Variants in COL4A2 observed in about 807,000 individuals in gnomAD.
COL4A2 encodes the protein collagen type IV alpha 2 chain.
Under a neutral mutation model 200.2 loss-of-function variants are expected in COL4A2, and 99 were observed. That is an observed-to-expected ratio of 0.49 (90% confidence interval 0.42 to 0.58). The LOEUF (loss-of-function observed/expected upper bound fraction) is 0.58, where lower values mean the gene tolerates loss of function less well. Ranked by LOEUF, COL4A2 falls within the 20% of genes least tolerant of loss-of-function variation. The probability of loss-of-function intolerance (pLI) is 0.00; values close to 1 mark genes in which losing one functional copy is unlikely to be tolerated. For synonymous variants in COL4A2, 897 were observed against 900.6 expected, an observed-to-expected ratio of 1.00 and a Z score of 0.07; for missense variants, 1,950 against 2,314.1, an observed-to-expected ratio of 0.84 and a Z score of 3.23.
At chr13:110,393,661 T>G (rs1243524527) in intron 4 of COL4A2, among the ~76,000 whole-genome samples, 1 of 151,286 alleles carries the variant, frequency 6.6e-6, no homozygotes, top group Non-Finnish European at 1.5e-5. Context: ...GATGGATCAC[T>G]TGAGGTCAGG....
chr13:110,494,985 A>T (rs1326136843), intron 39 of COL4A2, among the ~76,000 whole-genome samples: 1 of 152,244 alleles, frequency 6.6e-6, no homozygotes, highest in Non-Finnish European at 1.5e-5. Context: ...GGAAGACTTT[A>T]GATAGTGTTT....
intron 40 of COL4A2, among the ~76,000 whole-genome samples, chr13:110,501,383 C>T (rs1025917979): frequency 3.9e-5 from 6 of 152,136 alleles, no homozygotes; most frequent in Admixed American, 1.3e-4. Flanking sequence ...GATCGGGCAG[C>T]GCCTTGGGGA....
intron 4 of COL4A2, among the ~76,000 whole-genome samples, chr13:110,383,146 A>G (rs1175104949): frequency 2.6e-5 from 4 of 152,226 alleles, no homozygotes; most frequent in African/African-American, 7.2e-5. Context: ...GCTCAAACTT[A>G]TGGGGATAGT....
At chr13:110,413,588 CAGTT>C (rs776528051) in intron 4 of COL4A2, among the ~76,000 whole-genome samples, 4 of 152,162 alleles carry the variant, frequency 2.6e-5, no homozygotes, top group East Asian at 1.9e-4. Context: ...GCTAGGCACT[CAGTT>C]AGACTGGAGA....
Position 110,470,894 on chromosome 13 carries a change from T to TGTTTCTCC in COL4A2, c.2203+1570_2203+1571insGTTTCTCC, listed in dbSNP as rs574679307. On this transcript the variant is annotated intron_variant, in intron 28 of 47. Coordinates refer to ENST00000360467, the MANE Select transcript of COL4A2 (RefSeq NM_001846.4). ...CAAACCCTGACCCTGTTTCCTTTCA[T>TGTTTCTCC]ATGATGCGTTTCTCCATGTTTTGCA... is the stretch of plus-strand genomic sequence containing the variant. Among the ~76,000 whole-genome samples, 20 of 152,304 alleles carry TGTTTCTCC rather than the reference T, an allele frequency of 1.3e-4. No homozygotes were observed. In the East Asian group the frequency reaches 3.5e-3, roughly 26 times the overall value.
At position 110,498,587 on chromosome 13, in the gene COL4A2, A is replaced by C. The variant is rs552214860; in HGVS notation, c.3761-3081A>C. Among the ~76,000 whole-genome samples, 12 of 152,354 alleles carry C rather than the reference A, an allele frequency of 7.9e-5. No homozygotes were observed. The South Asian group carries it at 2.5e-3, about 32-fold the overall frequency. On this transcript the variant is annotated intron_variant, in intron 40 of 47. Coordinates refer to ENST00000360467, the MANE Select transcript of COL4A2 (RefSeq NM_001846.4). ...TGTACTTGACCACAAAAAAGATTTA[A>C]GATTTCCATCCCCAAGGACAGAGAT...
At chr13:110,505,072 C>G (rs369518877) in intron 45 of COL4A2, among the ~76,000 whole-genome samples, 2 of 151,768 alleles carry the variant, frequency 1.3e-5, no homozygotes, top group African/African-American at 4.8e-5. Flanking sequence ...ACATAGGGGC[C>G]GGGCGCGGTG....
intron 26 of COL4A2, 41 bp from the exon 27 acceptor site, chr13:110,466,999 T>G: frequency 6.2e-6 from 10 of 1,613,696 alleles, no homozygotes; most frequent in Non-Finnish European, 8.5e-6. Flanking sequence ...ACTCAGTGTT[T>G]AGGATTGCTT....
At chr13:110,374,377 A>C (rs191797252) in intron 4 of COL4A2, among the ~76,000 whole-genome samples, 91 of 152,306 alleles carry the variant, frequency 6.0e-4, no homozygotes, top group African/African-American at 2.1e-3. Context: ...ATCCTTTAAA[A>C]TCTGGGTATG....
chr13:110,416,079 T>C (rs79222646), intron 4 of COL4A2, among the ~76,000 whole-genome samples: 8 of 152,370 alleles, frequency 5.3e-5, no homozygotes, highest in Admixed American at 1.3e-4. Context: ...GGTAGCTCAG[T>C]AGTTGCCGCC....
chr13:110,311,803 A>G (rs1463411491), intron 3 of COL4A2, among the ~76,000 whole-genome samples: 2 of 152,180 alleles, frequency 1.3e-5, no homozygotes, highest in East Asian at 1.9e-4. Flanking sequence ...TCTGGCCGGG[A>G]CCTGGGGCCA....
At chr13:110,465,927 G>T (rs988961647) in intron 25 of COL4A2, 76 bp from the exon 26 acceptor site, 1 of 1,545,162 alleles carries the variant, frequency 6.5e-7, no homozygotes, top group African/African-American at 1.4e-5. Context: ...CTTCACACAC[G>T]TGCACGCCCC....
chr13:110,493,312 C>T (rs1294525631), intron 39 of COL4A2, 30 bp downstream of exon 39: 4 of 1,612,072 alleles, frequency 2.5e-6, no homozygotes, highest in East Asian at 4.5e-5. Context: ...CCCCGAGTCC[C>T]ACGCAGAGGT....
intron 4 of COL4A2, among the ~76,000 whole-genome samples, chr13:110,401,376 T>G (rs1879364067): frequency 6.6e-6 from 1 of 152,236 alleles, no homozygotes; most frequent in Admixed American, 6.5e-5. Flanking sequence ...ATGGCATGTG[T>G]CAAACTCCAC....
chr13:110,325,789 T>C (rs919985495), intron 3 of COL4A2, among the ~76,000 whole-genome samples: 8 of 142,316 alleles, frequency 5.6e-5, no homozygotes, highest in African/African-American at 1.8e-4. Context: ...CCTGAATTTC[T>C]TTTTTTTTTT....
chr13:110,436,867 G>A (rs58230440), intron 13 of COL4A2, among the ~76,000 whole-genome samples: 6,575 of 151,806 alleles, frequency 0.043, 153 homozygotes, highest in South Asian at 0.089. Flanking sequence ...GAATTGCCGC[G>A]TCCACTCTCT....
intron 3 of COL4A2, among the ~76,000 whole-genome samples, chr13:110,312,457 G>T (rs1157024093): frequency 6.6e-6 from 1 of 152,112 alleles, no homozygotes; most frequent in Non-Finnish European, 1.5e-5. Context: ...CTGGGGAGAG[G>T]GAAAGAAAAT....
intron 40 of COL4A2, among the ~76,000 whole-genome samples, chr13:110,499,008 C>A (rs1202831381): frequency 1.3e-5 from 2 of 152,268 alleles, no homozygotes; most frequent in Admixed American, 1.3e-4. Context: ...AGGGCAGACA[C>A]TGCCCAGTGC....
intron 45 of COL4A2, 144 bp from the exon 46 acceptor site, chr13:110,506,268 CTCT>C: frequency 2.3e-6 from 2 of 852,752 alleles, no homozygotes; most frequent in Admixed American, 2.9e-5. Context: ...CTCTCTCTCT[CTCT>C]CTCTCTCTCG....
Sources: gnomAD v4.1 joint callset for allele counts (sites outside exome capture counted in the v4.1 genomes callset) on GRCh38, gnomAD v4.1.1 for gene constraint, MANE v1.5 for transcripts, NCBI Gene and HGNC (gene_info 2026-07-23, HGNC 2026-07-21) for gene names.